KDM4C: variants seen among roughly 807,000 people sequenced by gnomAD.
KDM4C encodes lysine-specific demethylase 4C.
A neutral mutation model predicts 129.3 loss-of-function variants in KDM4C; 81 were observed. That is an observed-to-expected ratio of 0.63 (90% CI 0.52 to 0.75). KDM4C has a LOEUF of 0.75. KDM4C is among the 30% of genes least tolerant of loss of function. KDM4C has a pLI of 0.00. For missense variants in KDM4C, 1,457 were observed against 1,304.0 expected (o/e 1.12, Z -1.81); for synonymous variants, 573 against 456.1 (o/e 1.26, Z -3.26).
At chr9:6,771,080 CTTTT>C (rs35945405) in intron 1 of KDM4C, among the ~76,000 whole-genome samples, 2,347 of 56,774 alleles carry the variant, frequency 0.041, 27 homozygotes, top group East Asian at 0.093. Flanking sequence ...GACTGTGAAT[CTTTT>C]TTTTTTTTTT....
chr9:6,767,525 C>T (rs1383352798), intron 1 of KDM4C, among the ~76,000 whole-genome samples: 1 of 151,966 alleles, frequency 6.6e-6, no homozygotes, highest in Admixed American at 6.6e-5. Context: ...ACCTCTGCCT[C>T]CCAGGTTCAA....
intron 20 of KDM4C, among the ~76,000 whole-genome samples, chr9:7,167,033 T>C (rs1449670245): frequency 6.6e-6 from 1 of 152,262 alleles, no homozygotes; most frequent in Non-Finnish European, 1.5e-5. Flanking sequence ...AAATACCTGC[T>C]GCACAGTGCT....
At chr9:7,153,461 G>A (rs899270500) in intron 19 of KDM4C, among the ~76,000 whole-genome samples, 6 of 152,114 alleles carry the variant, frequency 3.9e-5, no homozygotes, top group African/African-American at 1.4e-4. Context: ...TACACTGGGG[G>A]GTATTGAAAA....
intron 8 of KDM4C, among the ~76,000 whole-genome samples, chr9:6,934,883 TTC>T (rs1394785361): frequency 1.4e-5 from 2 of 140,774 alleles, no homozygotes; most frequent in African/African-American, 5.0e-5. Context: ...AAAATAATAT[TTC>T]TTTTTTTTTT....
chr9:6,920,517 C>T (rs1353589905), intron 8 of KDM4C, among the ~76,000 whole-genome samples: 10 of 151,260 alleles, frequency 6.6e-5, no homozygotes, highest in East Asian at 5.9e-4. Context: ...GAGCCGAGAT[C>T]GTTCCACTGC....
At chr9:7,161,822 T>A (rs1246532774) in intron 19 of KDM4C, among the ~76,000 whole-genome samples, 2 of 152,240 alleles carry the variant, frequency 1.3e-5, no homozygotes, top group East Asian at 3.8e-4. Flanking sequence ...ACCTTTCAAC[T>A]TCTTTTCATC....
chr9:7,015,106 T>G (rs1823425402), intron 14 of KDM4C, among the ~76,000 whole-genome samples: 5 of 152,154 alleles, frequency 3.3e-5, no homozygotes, highest in Admixed American at 3.3e-4. Context: ...TGGTTAACTG[T>G]GATAGGTTTT....
chr9:6,824,462 T>C (rs1833554005), intron 4 of KDM4C, among the ~76,000 whole-genome samples: 1 of 152,182 alleles, frequency 6.6e-6, no homozygotes, highest in African/African-American at 2.4e-5. Flanking sequence ...GTGTGCATTT[T>C]TCTGAACTCT....
intron 19 of KDM4C, among the ~76,000 whole-genome samples, chr9:7,153,689 C>T (rs1247029518): frequency 6.6e-6 from 1 of 152,154 alleles, no homozygotes; most frequent in East Asian, 1.9e-4. Context: ...GGTTACTTAT[C>T]AGGGTTGTTA....
intron 17 of KDM4C, among the ~76,000 whole-genome samples, chr9:7,100,217 C>G (rs557646232): frequency 1.3e-5 from 2 of 152,268 alleles, no homozygotes; most frequent in South Asian, 4.1e-4. Flanking sequence ...CATGGCAAAA[C>G]CCTGTCTCTA....
chr9:7,052,864 A>AGAGAGAGAGAGAGT, intron 17 of KDM4C, among the ~76,000 whole-genome samples: 1 of 2,602 alleles, frequency 3.8e-4, no homozygotes, highest in South Asian at 0.031. Context: ...CCACACCTGC[A>AGAGAGAGAGAGAGT]GAGAGAGAGA....
At chr9:6,918,394 AC>A (rs2131165517) in intron 8 of KDM4C, among the ~76,000 whole-genome samples, 1 of 152,264 alleles carries the variant, frequency 6.6e-6, no homozygotes, top group South Asian at 2.1e-4. Flanking sequence ...ACGTGTATGT[AC>A]CATATTTTCT....
chr9:7,046,931 T>A lies in KDM4C; in HGVS notation c.2315+14T>A. 1 of 1,523,364 alleles carries A rather than the reference T, an allele frequency of 6.6e-7. No individual in the cohort carries two copies. Among genetic ancestry groups the A allele is most frequent in the Non-Finnish European group, 9.1e-7 (1 of 1,099,128 alleles). The allele number at this position is 1,523,364 out of a possible 1,614,324, so 94.4% of individuals were successfully genotyped here. The stretch of plus-strand genomic sequence containing the variant: ...GAAGAACAATAAGTAAGTAATACAT[T>A]AATTGTGTTGAATTTCATTATTTTT... On this transcript the variant is annotated intron_variant, in intron 16 of 21. Transcript: ENST00000381309.
At chr9:6,935,861 A>G (rs1055966562) in intron 8 of KDM4C, among the ~76,000 whole-genome samples, 1 of 152,186 alleles carries the variant, frequency 6.6e-6, no homozygotes. Context: ...ATTTTTGTCA[A>G]CAAGAAACTT....
intron 5 of KDM4C, among the ~76,000 whole-genome samples, chr9:6,851,051 G>T (rs1838757065): frequency 6.6e-6 from 1 of 152,196 alleles, no homozygotes; most frequent in South Asian, 2.1e-4. Context: ...CACCACGCCT[G>T]GCCAAATGAA....
At chr9:6,828,380 C>G (rs1056184488) in intron 4 of KDM4C, among the ~76,000 whole-genome samples, 1 of 151,974 alleles carries the variant, frequency 6.6e-6, no homozygotes, top group African/African-American at 2.4e-5. Flanking sequence ...ATCTCCTGAC[C>G]TTGTGATCTG....
At chr9:6,983,262 G>C (rs1425219506) in intron 9 of KDM4C, among the ~76,000 whole-genome samples, 1 of 152,082 alleles carries the variant, frequency 6.6e-6, no homozygotes, top group Non-Finnish European at 1.5e-5. Context: ...ATACATATGG[G>C]TGTGTTTTGG....
intron 4 of KDM4C, chr9:6,834,394 C>T (rs73639367): frequency 0.06 from 22,536 of 372,830 alleles, 1,103 homozygotes; most frequent in East Asian, 0.14. Flanking sequence ...ACGTCCGCCC[C>T]GTGAGCACAG....
At chr9:6,871,371 A>G (rs1842803434) in intron 5 of KDM4C, among the ~76,000 whole-genome samples, 1 of 152,198 alleles carries the variant, frequency 6.6e-6, no homozygotes. Flanking sequence ...TCACCTGAAG[A>G]TATGTTTAAA....
Sources: gnomAD v4.1 joint callset for allele counts (sites outside exome capture counted in the v4.1 genomes callset) on GRCh38, gnomAD v4.1.1 for gene constraint, MANE v1.5 for transcripts, NCBI Gene and HGNC (gene_info 2026-07-23, HGNC 2026-07-21) for gene names.